Variants in PIWIL2 observed in about 807,000 individuals in gnomAD.
The protein encoded by PIWIL2 is piwi like RNA-mediated gene silencing 2.
PIWIL2 carries 81 observed loss-of-function variants against 116.5 expected under a neutral mutation model. That is an observed-to-expected ratio of 0.70 (90% CI 0.58 to 0.84). The LOEUF is 0.84. Among genes scored for constraint, PIWIL2 ranks in the 40% least tolerant of loss-of-function variants. PIWIL2 has a pLI of 0.00. For missense variants in PIWIL2, 1,272 were observed against 1,212.3 expected (o/e 1.05, Z -0.73); for synonymous variants, 489 against 429.5 (o/e 1.14, Z -1.71).
chr8:22,338,741 A>T (rs1202685928), intron 20 of PIWIL2, among the ~76,000 whole-genome samples: 2 of 152,196 alleles, frequency 1.3e-5, no homozygotes, highest in Admixed American at 1.3e-4. Context: ...TTTATGCATT[A>T]GCAGAAAACA....
chr8:22,316,224 T>G, intron 18 of PIWIL2, 21 bp from the exon 19 acceptor site: 1 of 1,555,838 alleles, frequency 6.4e-7, no homozygotes, highest in Non-Finnish European at 8.9e-7. Context: ...GTTTGGTTTT[T>G]GTTTTTGTTT....
chr8:22,318,252 G>A lies in PIWIL2; in HGVS notation c.2380G>A (p.Gly794Ser), dbSNP rs1411061248. Residue 794 changes from glycine to serine, a missense_variant, in exon 20 of 23, where the codon GGC becomes AGC. Gly to Ser is a moderately conservative substitution (Grantham distance 56). Transcript: ENST00000356766. ...GGACAGCCTGAAGCTATGCCTCGTG[G>A]GCTCCTTAAAAAAGTTTTATGAGGT... is the stretch of plus-strand genomic sequence containing the variant. ...IVDSLKLCLV[G>S]SLKKFYEVNH... is the part of the protein sequence containing the mutation. 2.5e-6 allele frequency: 4 copies of A among 1,609,168 alleles called. No individual in the cohort carries two copies. Among genetic ancestry groups the A allele is most frequent in the African/African-American group, 1.3e-5 (1 of 74,704 alleles).
chr8:22,355,415 C>T lies in PIWIL2; in HGVS notation c.2832C>T (p.Cys944=), dbSNP rs1418019789. 4 of 1,614,002 alleles carry T rather than the reference C, an allele frequency of 2.5e-6. No homozygotes were observed. Among genetic ancestry groups the T allele is most frequent in the Admixed American group, 1.7e-5 (1 of 60,002 alleles). ...WPGTIRVPAP[C]KYAHKLAFLS... ...GCACCATCAGAGTTCCAGCTCCTTG[C>T]AAGTATGCCCACAAGCTAGCTTTCC... Residue 944 remains cysteine (C), a synonymous_variant, in exon 23 of 23, where the codon TGC becomes TGT. Coordinates refer to ENST00000356766, the MANE Select transcript of PIWIL2 (RefSeq NM_018068.5).
At chr8:22,294,766 T>C (rs1446363432) in intron 10 of PIWIL2, among the ~76,000 whole-genome samples, 1 of 149,210 alleles carries the variant, frequency 6.7e-6, no homozygotes, top group Admixed American at 6.7e-5. Flanking sequence ...TTTATTGAAA[T>C]GTATTTTGTT....
chr8:22,327,609 C>G (rs562701125), intron 20 of PIWIL2, among the ~76,000 whole-genome samples: 2 of 152,238 alleles, frequency 1.3e-5, no homozygotes, highest in African/African-American at 4.8e-5. Context: ...TCAGGTGATC[C>G]GCCTACCTTG....
In PIWIL2 at chr8:22,353,194, C is replaced by T. The variant is rs1832413192; in HGVS notation, c.2639C>T (p.Thr880Ile). The change falls in exon 21 of 23, where the codon ACA (threonine) becomes ATA (isoleucine). Residue 880 changes from threonine (T) to isoleucine (I), a missense_variant. By Grantham distance (89) the Thr-to-Ile change is moderately conservative. Transcript: ENST00000356766. Reference protein sequence around the residue: ...TPTPGTVVDHTITSCEWVDFY... With the variant: ...TPTPGTVVDHIITSCEWVDFY... ...ACTCCTGGAACTGTGGTAGATCATA[C>T]AATAACAAGCTGTGAGTGGTAAGTG... The T allele has an allele frequency of 1.2e-6, 2 of 1,612,310 alleles. No homozygotes were observed. The highest frequency in any genetic ancestry group is 2.2e-5 in the East Asian group (1 of 44,834).
intron 20 of PIWIL2, among the ~76,000 whole-genome samples, chr8:22,340,876 T>C (rs1338954715): frequency 1.3e-5 from 2 of 152,118 alleles, no homozygotes; most frequent in Non-Finnish European, 2.9e-5. Context: ...CATTTCTGGC[T>C]AATTTTTTAA....
chr8:22,304,773 C>G lies in PIWIL2; in HGVS notation c.1371-11C>G. The stretch of plus-strand genomic sequence containing the variant: ...CTTCTGAAATTTTTTCCTGCCTCTA[C>G]TCTGCTCTAGCAAAAATTATGGGAT... On this transcript the variant is annotated splice_polypyrimidine_tract_variant and intron_variant, in intron 11 of 22. Coordinates refer to ENST00000356766, the MANE Select transcript of PIWIL2 (RefSeq NM_018068.5). 1 of 1,599,424 alleles carries G rather than the reference C, an allele frequency of 6.3e-7. No homozygotes were observed. Among genetic ancestry groups the G allele is most frequent in the Non-Finnish European group, 8.6e-7 (1 of 1,166,644 alleles).
At chr8:22,302,561 A>G (rs922450023) in intron 10 of PIWIL2, among the ~76,000 whole-genome samples, 2 of 151,830 alleles carry the variant, frequency 1.3e-5, no homozygotes, top group African/African-American at 4.8e-5. Flanking sequence ...GCGGCTGCTG[A>G]TGTCTTTGCT....
At chr8:22,317,547 T>C (rs972130318) in intron 19 of PIWIL2, among the ~76,000 whole-genome samples, 6 of 152,218 alleles carry the variant, frequency 3.9e-5, no homozygotes, top group East Asian at 1.9e-4. Context: ...CTGTGTATCA[T>C]TATTTAACCA....
chr8:22,328,019 T>G (rs574771118), intron 20 of PIWIL2, among the ~76,000 whole-genome samples: 1 of 152,314 alleles, frequency 6.6e-6, no homozygotes, highest in Non-Finnish European at 1.5e-5. Context: ...TAAGAATTCA[T>G]TGCCAAATCC....
intron 10 of PIWIL2, among the ~76,000 whole-genome samples, chr8:22,294,051 GTT>G: frequency 6.6e-6 from 1 of 152,094 alleles, no homozygotes; most frequent in South Asian, 2.1e-4. Context: ...AATTTATTTT[GTT>G]TTGGCCAGAT....
At chr8:22,351,449 A>ATATATG (rs1832355718) in intron 20 of PIWIL2, among the ~76,000 whole-genome samples, 1 of 51,604 alleles carries the variant, frequency 1.9e-5, no homozygotes, top group African/African-American at 9.5e-5. Context: ...ACATATATAT[A>ATATATG]TATATATATA....
intron 20 of PIWIL2, among the ~76,000 whole-genome samples, chr8:22,336,468 G>A (rs920572716): frequency 1.3e-5 from 2 of 152,150 alleles, no homozygotes; most frequent in East Asian, 1.9e-4. Context: ...ATTTATGGAT[G>A]TAAGTAAAAC....
chr8:22,317,446 A>G (rs1057277262), intron 19 of PIWIL2, among the ~76,000 whole-genome samples: 4 of 152,150 alleles, frequency 2.6e-5, no homozygotes, highest in Non-Finnish European at 5.9e-5. Context: ...TAGGCATACT[A>G]TTCCTTAGCT....
At chr8:22,291,212 G>A (rs982709543) in intron 10 of PIWIL2, among the ~76,000 whole-genome samples, 2 of 151,016 alleles carry the variant, frequency 1.3e-5, no homozygotes, top group African/African-American at 4.9e-5. Context: ...GTGCAGTAGT[G>A]TGATCTCAAC....
At chr8:22,349,569 G>A (rs1832310092) in intron 20 of PIWIL2, among the ~76,000 whole-genome samples, 1 of 152,024 alleles carries the variant, frequency 6.6e-6, no homozygotes, top group Admixed American at 6.6e-5. Flanking sequence ...GTCAGACTCA[G>A]TCCCAGGTCT....
At chr8:22,283,437 C>G (rs556793108) in intron 5 of PIWIL2, among the ~76,000 whole-genome samples, 197 bp downstream of exon 5, 21 of 152,344 alleles carry the variant, frequency 1.4e-4, no homozygotes, top group Non-Finnish European at 2.5e-4. Flanking sequence ...GAGACGGAGT[C>G]TCACTCTGTC....
chr8:22,288,466 G>C, intron 7 of PIWIL2, 76 bp from the exon 8 acceptor site: 1 of 1,216,698 alleles, frequency 8.2e-7, no homozygotes. Flanking sequence ...TAAGAACACA[G>C]TTGAATTAGA....
Sources: allele counts gnomAD v4.1 joint callset (sites outside exome capture counted in the v4.1 genomes callset), GRCh38; gene constraint gnomAD v4.1.1; transcripts MANE v1.5; gene names NCBI Gene and HGNC (gene_info 2026-07-23, HGNC 2026-07-21).